The following DIP2C variants were observed in gnomAD, a reference collection of about 807,000 sequenced individuals.
DIP2C encodes the protein DIP2 acetate--CoA ligase C (putative), also known as disco-interacting protein 2 homolog C.
A neutral mutation model predicts 192.4 loss-of-function variants in DIP2C; 33 were observed. The observed-to-expected ratio is 0.17, with a 90% CI of 0.13 to 0.23. The LOEUF is 0.23. Among genes scored for constraint, DIP2C ranks in the 10% least tolerant of loss-of-function variants. The probability of loss-of-function intolerance (pLI) is 1.00; values close to 1 mark genes in which losing one functional copy is unlikely to be tolerated. For missense variants in DIP2C, 1,537 were observed against 2,110.1 expected (o/e 0.73, Z 5.32); for synonymous variants, 979 against 864.1 (o/e 1.13, Z -2.33).
rs1445760677 is a variant in DIP2C at position 636,484 on chromosome 10, C to T, written c.85+53010G>A. Among the ~76,000 whole-genome samples, 3 of 152,136 alleles carry T rather than the reference C, an allele frequency of 2.0e-5. No individual in the cohort carries two copies. Among genetic ancestry groups the T allele is most frequent in the Non-Finnish European group, 2.9e-5 (2 of 68,032 alleles). The stretch of plus-strand genomic sequence containing the variant: ...TCTGGAGCCAGTTGAAGGTGACAGG[C>T]TCCTGCCACCTCGCCGAGTCCTCAC... On this transcript the variant is annotated intron_variant, in intron 1 of 36. Coordinates refer to ENST00000280886, the MANE Select transcript of DIP2C (RefSeq NM_014974.3). This position sits in a 1 kb window ranked among gnomAD's most constrained non-coding sequence, Gnocchi z 4.6.
intron 24 of DIP2C, among the ~76,000 whole-genome samples, chr10:353,619 C>T (rs141467278): frequency 3.9e-5 from 6 of 152,198 alleles, no homozygotes; most frequent in East Asian, 1.9e-4. Flanking sequence ...CTCAAACTCC[C>T]GACCTCAACT....
intron 1 of DIP2C, among the ~76,000 whole-genome samples, chr10:657,935 C>CG (rs1856488233): frequency 6.6e-6 from 1 of 151,040 alleles, no homozygotes; most frequent in South Asian, 2.1e-4. Flanking sequence ...CTGGACCTGC[C>CG]CCTGGACCTG....
intron 1 of DIP2C, chr10:663,545 A>G (rs958022255): frequency 6.6e-6 from 1 of 152,250 alleles, no homozygotes; most frequent in African/African-American, 2.4e-5. Context: ...AGAAGCATTT[A>G]GAGGCATAAG....
chr10:558,151 G>T (rs1299557838), intron 1 of DIP2C, among the ~76,000 whole-genome samples: 1 of 152,128 alleles, frequency 6.6e-6, no homozygotes, highest in African/African-American at 2.4e-5. Context: ...TACCAGCCAC[G>T]CTGTTCCCCA....
intron 24 of DIP2C, among the ~76,000 whole-genome samples, chr10:355,895 G>T (rs543560758): frequency 6.6e-6 from 1 of 152,126 alleles, no homozygotes; most frequent in Non-Finnish European, 1.5e-5. Flanking sequence ...TCGCCAACAT[G>T]GTGAAACCCC....
chr10:409,391 G>A lies in DIP2C; in HGVS notation c.1058-374C>T, dbSNP rs554971063. Among the ~76,000 whole-genome samples, 6 of 152,282 alleles carry A rather than the reference G, an allele frequency of 3.9e-5. No homozygotes were observed. In the South Asian group the frequency reaches 6.2e-4, roughly 16 times the overall value. On this transcript the variant is annotated intron_variant, in intron 8 of 36. Transcript: ENST00000280886. ...AGCTGAAATGACACCATCAGGGAGC[G>A]GGAGGGCCCTGAGAACCTTCTCCTA...
chr10:487,491 C>T (rs956390758), intron 1 of DIP2C, among the ~76,000 whole-genome samples: 5 of 151,094 alleles, frequency 3.3e-5, no homozygotes, highest in African/African-American at 4.9e-5. Flanking sequence ...GTCTCCCCCA[C>T]GGAACACAAG....
intron 1 of DIP2C, among the ~76,000 whole-genome samples, chr10:500,233 A>C (rs1182279496): frequency 6.6e-6 from 1 of 152,218 alleles, no homozygotes; most frequent in Non-Finnish European, 1.5e-5. Context: ...GTGGGTTCAG[A>C]GCCAACCCCT....
chr10:302,613 G>A (rs532697188), intron 32 of DIP2C, among the ~76,000 whole-genome samples: 3 of 152,078 alleles, frequency 2.0e-5, no homozygotes, highest in Non-Finnish European at 4.4e-5. Context: ...AAACACCACA[G>A]AGTGGACCTA....
intron 2 of DIP2C, among the ~76,000 whole-genome samples, chr10:473,389 T>C (rs1970797430): frequency 6.6e-6 from 1 of 152,110 alleles, no homozygotes; most frequent in African/African-American, 2.4e-5. Context: ...AGAAAGGACA[T>C]CATCCTATGT....
intron 3 of DIP2C, among the ~76,000 whole-genome samples, chr10:468,994 C>T (rs1249757558): frequency 6.6e-6 from 1 of 151,954 alleles, no homozygotes; most frequent in Non-Finnish European, 1.5e-5. Flanking sequence ...GAATTGGAGA[C>T]CATCATCTGT....
intron 29 of DIP2C, among the ~76,000 whole-genome samples, chr10:332,988 T>A (rs902498921): frequency 6.6e-6 from 1 of 152,250 alleles, no homozygotes; most frequent in Non-Finnish European, 1.5e-5. Context: ...ATGCAACCTC[T>A]GCCTCCTGGG....
intron 17 of DIP2C, among the ~76,000 whole-genome samples, chr10:372,751 G>C (rs1053211476): frequency 5.9e-5 from 9 of 152,136 alleles, no homozygotes; most frequent in African/African-American, 2.2e-4. Flanking sequence ...CAGAAGCACG[G>C]GTGCTCCCGA....
At position 636,437 on chromosome 10, in the gene DIP2C, A is replaced by AG. The variant is rs1491589138; in HGVS notation, c.85+53056dup. Among the ~76,000 whole-genome samples, 1 of 152,164 alleles carries AG rather than the reference A, an allele frequency of 6.6e-6. No individual in the cohort carries two copies. The highest frequency in any genetic ancestry group is 1.5e-5 in the Non-Finnish European group (1 of 68,028). Reference sequence around the variant, plus strand: ...CACTCTCTCTCTCTGTAGATTATACAGAGAGACAGATTCGTTTCTCCTCTG... The same window carrying AG: ...CACTCTCTCTCTCTGTAGATTATACAGGAGAGACAGATTCGTTTCTCCTCTG... On this transcript the variant is annotated intron_variant, in intron 1 of 36. Coordinates refer to ENST00000280886, the MANE Select transcript of DIP2C (RefSeq NM_014974.3). This position sits in a 1 kb window ranked among gnomAD's most constrained non-coding sequence, Gnocchi z 4.6.
intron 1 of DIP2C, chr10:663,477 G>A (rs1856884650): frequency 6.6e-6 from 1 of 152,290 alleles, no homozygotes; most frequent in South Asian, 2.1e-4. Context: ...GAACACAGCA[G>A]AAATTCCACA....
chr10:382,655 G>A lies in DIP2C; in HGVS notation c.1983C>T (p.Ala661=). 2 of 1,613,170 alleles carry A rather than the reference G, an allele frequency of 1.2e-6. No individual in the cohort carries two copies. The highest frequency in any genetic ancestry group is 1.1e-5 in the South Asian group (1 of 90,870). Residue 661 remains alanine, a synonymous_variant, in exon 17 of 37, where the codon GCC becomes GCT. Coordinates refer to ENST00000280886, the MANE Select transcript of DIP2C (RefSeq NM_014974.3). ...CASSPEALTV[A]IRRPTDDSNQ... ...TCAACATGACCCAGTACCTCCGGAT[G>A]GCCACAGTGAGGGCCTCTGGCGAGC... is the stretch of plus-strand genomic sequence containing the variant.
intron 1 of DIP2C, among the ~76,000 whole-genome samples, chr10:538,728 G>T (rs1397967135): frequency 6.6e-6 from 1 of 152,094 alleles, no homozygotes; most frequent in African/African-American, 2.4e-5. Context: ...AACATTCTAA[G>T]GTTCTTATTG....
intron 32 of DIP2C, among the ~76,000 whole-genome samples, chr10:298,218 T>C (rs987005340): frequency 1.3e-5 from 2 of 152,186 alleles, no homozygotes; most frequent in Non-Finnish European, 1.5e-5. Flanking sequence ...CTCTCAGAAA[T>C]GTCCCTGTTT....
rs1852207342 is a variant in DIP2C, at chr10:603,177, T to C, written c.85+86317A>G. On this transcript the variant is annotated intron_variant, in intron 1 of 36. Coordinates refer to ENST00000280886, the MANE Select transcript of DIP2C (RefSeq NM_014974.3). ...ATACTAAGTATATAAAACAGGAAAA[T>C]AAATCATGCAATTTGGAGGCTGAGG... 2.0e-5 allele frequency among the ~76,000 whole-genome samples: 3 copies of C among 151,384 alleles called. No individual in the cohort carries two copies. In the East Asian group the frequency reaches 5.8e-4, roughly 29 times the overall value.
Sources: allele counts gnomAD v4.1 joint callset (sites outside exome capture counted in the v4.1 genomes callset), GRCh38; gene constraint gnomAD v4.1.1; non-coding constraint Gnocchi (gnomAD v3.1); transcripts MANE v1.5; gene names NCBI Gene and HGNC (gene_info 2026-07-23, HGNC 2026-07-21).